The following ZDHHC14 variants were observed in gnomAD, a reference collection of about 807,000 sequenced individuals.
The protein encoded by ZDHHC14 is palmitoyltransferase ZDHHC14.
In ZDHHC14, 16 loss-of-function variants were observed where a neutral mutation model predicts 47.7. That is an observed-to-expected ratio of 0.34 (90% CI 0.23 to 0.51). The LOEUF is 0.51. Ranked by LOEUF, ZDHHC14 falls within the 20% of genes least tolerant of loss-of-function variation. The probability of loss-of-function intolerance (pLI) is 0.97; values close to 1 mark genes in which losing one functional copy is unlikely to be tolerated. For missense variants in ZDHHC14, 515 were observed against 662.5 expected (o/e 0.78, Z 2.44); for synonymous variants, 293 against 278.9 (o/e 1.05, Z -0.50).
chr6:157,397,485 C>G (rs1478550245), intron 1 of ZDHHC14, among the ~76,000 whole-genome samples: 3 of 152,140 alleles, frequency 2.0e-5, no homozygotes, highest in African/African-American at 7.2e-5. Flanking sequence ...CCTCCATCCT[C>G]AAAGCCAGCG....
intron 3 of ZDHHC14, among the ~76,000 whole-genome samples, chr6:157,598,406 T>A (rs1469631122): frequency 6.6e-6 from 1 of 152,152 alleles, no homozygotes; most frequent in Non-Finnish European, 1.5e-5. Context: ...CGCTATCTCT[T>A]CATTTCACCA....
In ZDHHC14 at chr6:157,672,956, T is replaced by A. The variant is rs751455746; in HGVS notation, c.1301T>A (p.Met434Lys). The change falls in exon 9 of 9, where the codon ATG becomes AAG. Residue 434 changes from methionine to lysine, a missense_variant. Around this residue, in one of 4 missense-constraint regions of ZDHHC14, gnomAD observed 221 missense variants for 233.6 expected, o/e 0.95. Coordinates refer to ENST00000359775, the MANE Select transcript of ZDHHC14 (RefSeq NM_024630.3). Reference protein sequence around the residue: ...ADVMPRKDEHMGHQFLTPDEA... With the variant: ...ADVMPRKDEHKGHQFLTPDEA... ...GTGATGCCCCGGAAAGATGAGCACA[T>A]GGGCCACCAGTTCCTGACGCCCGAT... The A allele has an allele frequency of 2.1e-5, 33 of 1,600,672 alleles. No individual in the cohort carries two copies. Among genetic ancestry groups the A allele is most frequent in the Non-Finnish European group, 2.5e-5 (30 of 1,176,504 alleles).
intron 1 of ZDHHC14, among the ~76,000 whole-genome samples, chr6:157,484,399 C>CGT (rs1412563624): frequency 7.0e-6 from 1 of 142,938 alleles, no homozygotes; most frequent in African/African-American, 2.6e-5. Context: ...CGTATATATA[C>CGT]ATATATATGT....
chr6:157,441,837 CA>C (rs1778567346), intron 1 of ZDHHC14, among the ~76,000 whole-genome samples: 1 of 151,618 alleles, frequency 6.6e-6, no homozygotes, highest in Non-Finnish European at 1.5e-5. Flanking sequence ...GACTCCGAAT[CA>C]AAAAAAGAAA....
At chr6:157,649,549 C>T (rs1394825471) in intron 7 of ZDHHC14, among the ~76,000 whole-genome samples, 5 of 152,230 alleles carry the variant, frequency 3.3e-5, no homozygotes, top group African/African-American at 7.2e-5. Flanking sequence ...CCGGGCATCC[C>T]GGCCAGGCCT....
chr6:157,448,855 C>T (rs1284660901), intron 1 of ZDHHC14, among the ~76,000 whole-genome samples: 2 of 152,218 alleles, frequency 1.3e-5, no homozygotes, highest in Non-Finnish European at 1.5e-5. Context: ...GGATTATAGG[C>T]GTGAGCCACT....
At chr6:157,631,765 C>T (rs1365788463) in intron 4 of ZDHHC14, 2 of 152,264 alleles carry the variant, frequency 1.3e-5, no homozygotes, top group Admixed American at 6.5e-5. Context: ...CCTCATCTGC[C>T]TCAAGGCTGT....
In ZDHHC14 at chr6:157,653,585, T is replaced by C. The variant is rs749266101; in HGVS notation, c.1026T>C (p.Asn342=). Residue 342 remains asparagine, a synonymous_variant, in exon 8 of 9, where the codon AAT becomes AAC. Transcript: ENST00000359775. ...PDTPQPAAPS[N]GITMYGATQS... ...CGCCGCAGCCAGCAGCACCCTCCAA[T>C]GGCATCACCATGTACGGGGCCACGC... 1.2e-6 allele frequency: 2 copies of C among 1,613,948 alleles called. No homozygotes were observed. Among genetic ancestry groups the C allele is most frequent in the South Asian group, 2.2e-5 (2 of 91,084 alleles).
rs988011711 is a variant in ZDHHC14, at chr6:157,677,419, G to A, written c.*4297G>A. On this transcript the variant is annotated 3_prime_UTR_variant, in exon 9 of 9. Coordinates refer to ENST00000359775, the MANE Select transcript of ZDHHC14 (RefSeq NM_024630.3). ...TAAATCCTCTGTCCATCTGCCCATT[G>A]TCCATGGTCCTGATAATAGAGCCAA... is the stretch of plus-strand genomic sequence containing the variant. The A allele has an allele frequency of 3.3e-5, 5 of 151,246 alleles. No individual in the cohort carries two copies. The highest frequency in any genetic ancestry group is 6.6e-5 in the Admixed American group (1 of 15,160). 9.4% of individuals were successfully genotyped at this position (151,246 alleles called of 1,614,324 possible). A position where few individuals can be genotyped will look rare whatever the true frequency, so the allele number is the denominator to read the frequency against.
chr6:157,625,433 C>T (rs1215847137), intron 3 of ZDHHC14, among the ~76,000 whole-genome samples: 6 of 151,980 alleles, frequency 3.9e-5, no homozygotes, highest in African/African-American at 4.8e-5. Flanking sequence ...GGTGAGAGGC[C>T]GCCGTTTTGG....
At chr6:157,589,591 G>A (rs976413468) in intron 2 of ZDHHC14, among the ~76,000 whole-genome samples, 2 of 152,146 alleles carry the variant, frequency 1.3e-5, no homozygotes, top group African/African-American at 4.8e-5. Flanking sequence ...CTGCTGCCAT[G>A]TGAAGAAGGA....
intron 7 of ZDHHC14, among the ~76,000 whole-genome samples, chr6:157,651,384 C>T (rs1777830970): frequency 1.3e-5 from 2 of 152,150 alleles, no homozygotes; most frequent in South Asian, 4.1e-4. Context: ...TTCTCTTCCT[C>T]ACCTCTTTCT....
At chr6:157,389,877 T>G (rs1777386559) in intron 1 of ZDHHC14, among the ~76,000 whole-genome samples, 1 of 152,144 alleles carries the variant, frequency 6.6e-6, no homozygotes, top group Non-Finnish European at 1.5e-5. Flanking sequence ...AAAATAAATT[T>G]ATGTAAAATA....
intron 2 of ZDHHC14, among the ~76,000 whole-genome samples, chr6:157,554,664 G>A (rs765999773): frequency 2.7e-4 from 41 of 152,278 alleles, no homozygotes; most frequent in South Asian, 2.1e-4. Context: ...GAAATCTCTC[G>A]GATGTATCCA....
chr6:157,616,146 A>AG lies in ZDHHC14; in HGVS notation c.566-12197dup, dbSNP rs1333617391. On this transcript the variant is annotated intron_variant, in intron 3 of 8. Transcript: ENST00000359775. ...TTGGCAACAGTGTGGGGGACACATA[A>AG]GGGGGGTGTCCAGGAAGATGTGACA... Among the ~76,000 whole-genome samples the AG allele has an allele frequency of 1.2e-4, 19 of 152,108 alleles. 1 individual carries two copies. Among genetic ancestry groups the AG allele is most frequent in the Non-Finnish European group, 2.2e-4 (15 of 68,026 alleles).
intron 2 of ZDHHC14, chr6:157,592,735 T>TGG (rs1783961124): frequency 8.1e-7 from 1 of 1,236,324 alleles, no homozygotes; most frequent in South Asian, 3.1e-5. Context: ...AGGGCCTGGC[T>TGG]GGGTGGGGCC....
chr6:157,474,768 A>G (rs1327345933), intron 1 of ZDHHC14, among the ~76,000 whole-genome samples: 1 of 152,108 alleles, frequency 6.6e-6, no homozygotes, highest in African/African-American at 2.4e-5. Context: ...CTTAGTATTG[A>G]ATTGTTTGAG....
chr6:157,625,971 G>A (rs557558041), intron 3 of ZDHHC14, among the ~76,000 whole-genome samples: 7 of 152,214 alleles, frequency 4.6e-5, no homozygotes, highest in Admixed American at 2.0e-4. Flanking sequence ...TGTCTCGTCC[G>A]CATCATCTGT....
At chr6:157,573,514 G>T (rs1783179387) in intron 2 of ZDHHC14, among the ~76,000 whole-genome samples, 1 of 152,134 alleles carries the variant, frequency 6.6e-6, no homozygotes, top group African/African-American at 2.4e-5. Context: ...ATGCCCCAGG[G>T]CCCCTTCTAG....
Sources: allele counts gnomAD v4.1 joint callset (sites outside exome capture counted in the v4.1 genomes callset), GRCh38; gene constraint gnomAD v4.1.1; regional missense constraint gnomAD v4.1.1; transcripts MANE v1.5; gene names NCBI Gene and HGNC (gene_info 2026-07-23, HGNC 2026-07-21).